Variants in PTPRN2 observed in about 807,000 individuals in gnomAD.
The protein encoded by PTPRN2 is receptor-type tyrosine-protein phosphatase N2.
PTPRN2 carries 74 observed loss-of-function variants against 118.8 expected under a neutral mutation model. The ratio of observed to expected loss-of-function variants is 0.62; its 90% CI spans 0.52 to 0.76. The LOEUF is 0.76. PTPRN2 is among the 30% of genes least tolerant of loss of function. The probability of loss-of-function intolerance (pLI) is 0.00; values close to 1 mark genes in which losing one functional copy is unlikely to be tolerated. For missense variants in PTPRN2, 1,481 were observed against 1,394.4 expected, an observed-to-expected ratio of 1.06 and a Z score of -0.99; for synonymous variants, 641 against 608.0, an observed-to-expected ratio of 1.05 and a Z score of -0.80.
At position 158,167,009 on chromosome 7, in the gene PTPRN2, G is replaced by T. The variant is rs551350068; in HGVS notation, c.832C>A (p.Pro278Thr). Residue 278 changes from proline to threonine, a missense_variant, in exon 6 of 23, where the codon CCT (proline) becomes ACT (threonine). This residue lies in a region of PTPRN2 where 1,115 missense variants were observed against 994.2 expected (regional missense o/e 1.12). Transcript: ENST00000389418. ...LLRAPSRMPR[P>T]LLAPAAPQKW... ...TGGGGGGCGGCTGGTGCCAGCAAAGGCCTGGGCATTCTTGAGGGTGCACGC... is the reference window on the plus strand; with the variant it reads ...TGGGGGGCGGCTGGTGCCAGCAAAGTCCTGGGCATTCTTGAGGGTGCACGC... 4.4e-5 allele frequency: 65 copies of T among 1,485,280 alleles called. 1 individual carries two copies. The South Asian group carries it at 8.2e-4, about 19-fold the overall frequency. 92.0% of individuals were successfully genotyped at this position (1,485,280 alleles called of 1,614,324 possible).
chr7:157,662,932 G>T (rs1213149396), intron 13 of PTPRN2, among the ~76,000 whole-genome samples: 1 of 152,078 alleles, frequency 6.6e-6, no homozygotes, highest in Non-Finnish European at 1.5e-5. Context: ...TAACCTCACG[G>T]CTCAGCCACG....
intron 1 of PTPRN2, among the ~76,000 whole-genome samples, chr7:158,581,832 A>G (rs774104479): frequency 2.2e-4 from 34 of 152,252 alleles, no homozygotes; most frequent in Non-Finnish European, 4.1e-4. Context: ...AAGCCGTTCA[A>G]GACAAATGCA....
intron 12 of PTPRN2, among the ~76,000 whole-genome samples, chr7:157,733,904 C>T (rs1796263): frequency 6.0e-4 from 27 of 44,974 alleles, no homozygotes; most frequent in South Asian, 1.7e-3. Flanking sequence ...GCACAGTTAC[C>T]CTTTTCCGTC....
At chr7:158,492,457 G>A (rs78670254) in intron 1 of PTPRN2, among the ~76,000 whole-genome samples, 32,909 of 152,194 alleles carry the variant, frequency 0.22, 3,834 homozygotes, top group South Asian at 0.37. Context: ...ACAGTTAGAT[G>A]TGATCTGAAT....
intron 2 of PTPRN2, among the ~76,000 whole-genome samples, chr7:158,393,453 T>C (rs1384059903): frequency 2.0e-5 from 3 of 152,102 alleles, no homozygotes; most frequent in Non-Finnish European, 4.4e-5. Flanking sequence ...TCCACACAAA[T>C]GACACAGAAA....
At chr7:157,568,270 A>G (rs1158540009) in intron 21 of PTPRN2, among the ~76,000 whole-genome samples, 2 of 152,172 alleles carry the variant, frequency 1.3e-5, no homozygotes, top group African/African-American at 4.8e-5. Context: ...CCGCTCTGCC[A>G]AACCTGTCCT....
intron 2 of PTPRN2, among the ~76,000 whole-genome samples, chr7:158,322,392 C>T (rs34267680): frequency 0.33 from 49,807 of 151,866 alleles, 8,989 homozygotes; most frequent in Middle Eastern, 0.44. Context: ...CCTCACCCAG[C>T]GGTCAGAGAA....
At position 157,632,848 on chromosome 7, in the gene PTPRN2, T is replaced by C. The variant is rs527694320; in HGVS notation, c.2197-11339A>G. On this transcript the variant is annotated intron_variant, in intron 14 of 22. Transcript: ENST00000389418. This position sits in a 1 kb window ranked among gnomAD's most constrained non-coding sequence, Gnocchi z 4.3. ...GAAAATAATTCAGAGAATTATACTA[T>C]GTTTTCCATAAATGTACAGCTATTA... 1.3e-5 allele frequency among the ~76,000 whole-genome samples: 2 copies of C among 152,374 alleles called. No individual in the cohort carries two copies. The highest frequency in any genetic ancestry group is 1.9e-4 in the East Asian group (1 of 5,192).
At chr7:157,557,075 T>TACAC (rs149151757) in intron 21 of PTPRN2, among the ~76,000 whole-genome samples, 44 of 145,016 alleles carry the variant, frequency 3.0e-4, no homozygotes, top group African/African-American at 9.8e-4. Flanking sequence ...GTATCATACA[T>TACAC]ACACACACAC....
chr7:158,480,598 C>G (rs1337375917), intron 2 of PTPRN2, among the ~76,000 whole-genome samples: 3 of 152,172 alleles, frequency 2.0e-5, no homozygotes, highest in Non-Finnish European at 4.4e-5. Flanking sequence ...AAAAATGAGG[C>G]CTCTCGTGTA....
chr7:158,471,721 CT>C (rs1207866555), intron 2 of PTPRN2, among the ~76,000 whole-genome samples: 3 of 142,416 alleles, frequency 2.1e-5, no homozygotes, highest in Non-Finnish European at 4.6e-5. Flanking sequence ...AAAAAAAAAC[CT>C]TACTAACAAA....
At chr7:158,095,175 C>A (rs570771216) in intron 10 of PTPRN2, among the ~76,000 whole-genome samples, 11 of 151,892 alleles carry the variant, frequency 7.2e-5, no homozygotes, top group African/African-American at 1.9e-4. Flanking sequence ...TCAGCTCATG[C>A]GCAACGTCTC....
intron 11 of PTPRN2, among the ~76,000 whole-genome samples, chr7:157,925,262 C>T (rs113484688): frequency 0.11 from 5,441 of 50,558 alleles, 1 homozygote; most frequent in African/African-American, 0.23. Context: ...GCATTTAGCA[C>T]GTCAGGCAAA....
chr7:158,259,842 G>A (rs556902997), intron 3 of PTPRN2, among the ~76,000 whole-genome samples: 2 of 150,674 alleles, frequency 1.3e-5, no homozygotes, highest in African/African-American at 4.9e-5. Flanking sequence ...GAATGTGTTT[G>A]TGTGTCCATG....
At chr7:158,496,207 G>T (rs947663885) in intron 1 of PTPRN2, among the ~76,000 whole-genome samples, 1,121 of 95,322 alleles carry the variant, frequency 0.012, 18 homozygotes, top group African/African-American at 0.034. Flanking sequence ...CCCCTTCCCT[G>T]CAGCCTCCCC....
chr7:158,083,469 A>T (rs1472713196), intron 10 of PTPRN2, among the ~76,000 whole-genome samples: 2 of 152,144 alleles, frequency 1.3e-5, no homozygotes, highest in Non-Finnish European at 2.9e-5. Flanking sequence ...GGACTGGAAT[A>T]TCCTAAACCT....
chr7:158,171,342 T>C lies in PTPRN2; in HGVS notation c.550-4051A>G, dbSNP rs111826987. On this transcript the variant is annotated intron_variant, in intron 5 of 22. Coordinates refer to ENST00000389418, the MANE Select transcript of PTPRN2 (RefSeq NM_002847.5). Reference sequence around the variant, plus strand: ...ATATATATATATATATATATATATATATATATACACACACACATTTTTTTA... The same window carrying C: ...ATATATATATATATATATATATATACATATATACACACACACATTTTTTTA... Among the ~76,000 whole-genome samples, 120 of 124,828 alleles carry C rather than the reference T, an allele frequency of 9.6e-4. 3 individuals carry two copies. The highest frequency in any genetic ancestry group is 3.9e-3 in the African/African-American group (117 of 30,358). The allele number at this position is 124,828 out of a possible 152,430, so 81.9% of individuals were successfully genotyped here.
At chr7:158,259,506 C>T (rs1279391146) in intron 3 of PTPRN2, among the ~76,000 whole-genome samples, 1 of 152,224 alleles carries the variant, frequency 6.6e-6, no homozygotes, top group East Asian at 1.9e-4. Context: ...ACCGTCGGCA[C>T]CAACGGCTGG....
intron 12 of PTPRN2, among the ~76,000 whole-genome samples, chr7:157,692,268 TC>T (rs1344277576): frequency 1.3e-5 from 2 of 150,800 alleles, no homozygotes; most frequent in African/African-American, 4.9e-5. Context: ...TCCCGGCCCC[TC>T]CGGGGCCAAC....
Sources: gnomAD v4.1 joint callset for allele counts (sites outside exome capture counted in the v4.1 genomes callset) on GRCh38, gnomAD v4.1.1 for gene constraint, gnomAD v4.1.1 regional missense constraint, Gnocchi (gnomAD v3.1) non-coding constraint, MANE v1.5 for transcripts, NCBI Gene and HGNC (gene_info 2026-07-23, HGNC 2026-07-21) for gene names.